The following HIBCH variants were observed in gnomAD, a reference collection of about 807,000 sequenced individuals.
HIBCH encodes the protein 3-hydroxyisobutyryl-CoA hydrolase, mitochondrial.
HIBCH carries 50 observed loss-of-function variants against 58.2 expected under a neutral mutation model. The ratio of observed to expected loss-of-function variants is 0.86; its 90% confidence interval spans 0.68 to 1.09. The LOEUF (loss-of-function observed/expected upper bound fraction) is 1.09, where lower values mean the gene tolerates loss of function less well. HIBCH is among the 50% of genes least tolerant of loss of function. HIBCH has a pLI of 0.00. For synonymous variants in HIBCH, 151 were observed against 146.9 expected (o/e 1.03, Z -0.20); for missense variants, 450 against 449.7 (o/e 1.00, Z -0.01).
chr2:190,293,593 A>G (rs552891630), intron 4 of HIBCH, among the ~76,000 whole-genome samples: 11 of 152,230 alleles, frequency 7.2e-5, no homozygotes, highest in South Asian at 2.1e-4. Context: ...AAATTCATTA[A>G]TAAGTATTTG....
chr2:190,311,995 A>G (rs1688569991), intron 1 of HIBCH, among the ~76,000 whole-genome samples: 1 of 152,206 alleles, frequency 6.6e-6, no homozygotes, highest in Non-Finnish European at 1.5e-5. Context: ...AATGTTGGAA[A>G]TTGTCTCTAT....
chr2:190,203,194 A>G (rs550764493), downstream of HIBCH: 5 of 167,098 alleles, frequency 3.0e-5, no homozygotes, highest in African/African-American at 9.6e-5. Flanking sequence ...GAGACTCTTT[A>G]TAAGTAATGT....
intron 7 of HIBCH, among the ~76,000 whole-genome samples, chr2:190,259,550 C>T (rs1687029742): frequency 6.6e-6 from 1 of 151,972 alleles, no homozygotes; most frequent in South Asian, 2.1e-4. Context: ...GTAGGGATGT[C>T]GTTTCGCCAT....
At chr2:190,222,294 G>A (rs191240857) in intron 11 of HIBCH, among the ~76,000 whole-genome samples, 32 of 152,208 alleles carry the variant, frequency 2.1e-4, no homozygotes, top group African/African-American at 6.0e-4. Context: ...GCACAGAAAC[G>A]GCCGGCTAGT....
chr2:190,199,771 C>T, downstream of HIBCH: 2 of 1,547,664 alleles, frequency 1.3e-6, no homozygotes, highest in Non-Finnish European at 1.7e-6. Context: ...AAGCACTGGT[C>T]AACATCACAT....
At chr2:190,303,394 G>A (rs924634138) in intron 2 of HIBCH, among the ~76,000 whole-genome samples, 3 of 146,446 alleles carry the variant, frequency 2.0e-5, no homozygotes, top group Non-Finnish European at 3.0e-5. Flanking sequence ...GGGAAAACAC[G>A]AAATGAGTCC....
At chr2:190,219,138 T>C (rs1356663354) in intron 11 of HIBCH, among the ~76,000 whole-genome samples, 1 of 133,284 alleles carries the variant, frequency 7.5e-6, no homozygotes, top group Non-Finnish European at 1.6e-5. Flanking sequence ...TCTCCAAGAA[T>C]CCACATGGCC....
chr2:190,212,182 CG>C (rs1384089158), intron 12 of HIBCH, among the ~76,000 whole-genome samples: 1 of 152,150 alleles, frequency 6.6e-6, no homozygotes, highest in African/African-American at 2.4e-5. Context: ...AAACAATAGA[CG>C]TCAGCTGCCA....
At chr2:190,245,192 T>C (rs1686570792) in intron 10 of HIBCH, 1 of 487,624 alleles carries the variant, frequency 2.1e-6, no homozygotes. Context: ...ATTTTTTCTT[T>C]TGCATCTGTT....
intron 3 of HIBCH, among the ~76,000 whole-genome samples, chr2:190,295,945 C>G (rs1391681463): frequency 6.6e-6 from 1 of 152,156 alleles, no homozygotes; most frequent in African/African-American, 2.4e-5. Flanking sequence ...ATCATCATCC[C>G]CATTTCAGAA....
At chr2:190,250,616 C>A in intron 8 of HIBCH, 1 of 184,798 alleles carries the variant, frequency 5.4e-6, no homozygotes, top group Non-Finnish European at 1.2e-5. Flanking sequence ...ATCACATGCC[C>A]ATGTTTCCTT....
intron 1 of HIBCH, among the ~76,000 whole-genome samples, chr2:190,317,502 T>C (rs886124394): frequency 4.6e-5 from 7 of 152,218 alleles, no homozygotes; most frequent in Non-Finnish European, 2.9e-5. Context: ...GGGCCAAATC[T>C]GTGAAATCCA....
At chr2:190,294,022 G>GTATATATATATATATATA (rs1553505756) in intron 4 of HIBCH, among the ~76,000 whole-genome samples, 9 of 83,012 alleles carry the variant, frequency 1.1e-4, no homozygotes, top group African/African-American at 3.4e-4. Context: ...TATTTTGTGT[G>GTATATATATATATATATA]TATATATATA....
intron 7 of HIBCH, among the ~76,000 whole-genome samples, chr2:190,252,982 A>G (rs1229162792): frequency 1.3e-5 from 2 of 152,178 alleles, no homozygotes; most frequent in Non-Finnish European, 2.9e-5. Flanking sequence ...TGAGGTCAGG[A>G]GTTCAAGACC....
intron 1 of HIBCH, among the ~76,000 whole-genome samples, chr2:190,317,498 A>T (rs1244664106): frequency 6.6e-6 from 1 of 152,222 alleles, no homozygotes; most frequent in Non-Finnish European, 1.5e-5. Context: ...ACTGGGGCCA[A>T]ATCTGTGAAA....
chr2:190,293,241 C>G (rs1458511761), intron 4 of HIBCH, among the ~76,000 whole-genome samples: 1 of 151,990 alleles, frequency 6.6e-6, no homozygotes, highest in Non-Finnish European at 1.5e-5. Context: ...CGCCTGAGAT[C>G]AGGAGTTCAA....
In HIBCH at chr2:190,216,792, GT is replaced by G. The variant is rs750241869; in HGVS notation, c.892-3718del. On this transcript the variant is annotated intron_variant, in intron 11 of 13. Coordinates refer to ENST00000359678, the MANE Select transcript of HIBCH (RefSeq NM_014362.4). This position sits in a 1 kb window ranked among gnomAD's most constrained non-coding sequence, Gnocchi z 4.2. ...CTGCCAAGACGCTTTGAGGTGGGAT[GT>G]TTAAAAGTTCTGTTTCCCAGAGCTT... 3.9e-5 allele frequency among the ~76,000 whole-genome samples: 6 copies of G among 152,222 alleles called. No individual in the cohort carries two copies. The highest frequency in any genetic ancestry group is 5.9e-5 in the Non-Finnish European group (4 of 68,030).
intron 12 of HIBCH, among the ~76,000 whole-genome samples, chr2:190,212,615 C>CA (rs1690538764): frequency 1.3e-5 from 2 of 152,004 alleles, no homozygotes; most frequent in Non-Finnish European, 2.9e-5. Context: ...TTCATTTTAC[C>CA]AATGAGGGAA....
chr2:190,251,992 G>T (rs1356155904), intron 8 of HIBCH, among the ~76,000 whole-genome samples, 170 bp downstream of exon 8: 3 of 152,050 alleles, frequency 2.0e-5, no homozygotes, highest in African/African-American at 7.2e-5. Flanking sequence ...AACAGAATTA[G>T]AGAGCTTATG....
Sources: allele counts gnomAD v4.1 joint callset (sites outside exome capture counted in the v4.1 genomes callset), GRCh38; gene constraint gnomAD v4.1.1; non-coding constraint Gnocchi (gnomAD v3.1); transcripts MANE v1.5; gene names NCBI Gene and HGNC (gene_info 2026-07-23, HGNC 2026-07-21).